The following RBFOX1 variants were observed in gnomAD, a reference collection of about 807,000 sequenced individuals.
The protein encoded by RBFOX1 is RNA binding protein fox-1 homolog 1.
In RBFOX1, 8 loss-of-function variants were observed where a neutral mutation model predicts 57.7. That is an observed-to-expected ratio of 0.14 (90% CI 0.08 to 0.25). RBFOX1 has a LOEUF of 0.25. RBFOX1 is among the 10% of genes least tolerant of loss of function. The pLI is 1.00. For missense variants in RBFOX1, 611 were observed against 548.5 expected (o/e 1.11, Z -1.14); for synonymous variants, 326 against 222.4 (o/e 1.47, Z -4.15).
chr16:6,552,410 G>A (rs558607304), intron 2 of RBFOX1, among the ~76,000 whole-genome samples: 24 of 152,264 alleles, frequency 1.6e-4, no homozygotes, highest in African/African-American at 5.3e-4. Flanking sequence ...CAGAAACTCA[G>A]TAATGTCATC....
chr16:6,326,738 C>T (rs1240996671), intron 2 of RBFOX1, among the ~76,000 whole-genome samples: 1 of 150,128 alleles, frequency 6.7e-6, no homozygotes, highest in Non-Finnish European at 1.5e-5. Flanking sequence ...ACACACTAAT[C>T]ATAGGAGGCA....
At chr16:6,204,438 A>T (rs1248845592) in intron 1 of RBFOX1, among the ~76,000 whole-genome samples, 1 of 152,162 alleles carries the variant, frequency 6.6e-6, no homozygotes, top group East Asian at 1.9e-4. Flanking sequence ...GAAGCTTCTG[A>T]ACTTGCTAGG....
At chr16:6,054,216 G>T (rs1209074323) in intron 1 of RBFOX1, among the ~76,000 whole-genome samples, 1 of 151,968 alleles carries the variant, frequency 6.6e-6, no homozygotes, top group Non-Finnish European at 1.5e-5. Context: ...ATCCTGCTCT[G>T]CTTATTAGGA....
At chr16:5,641,908 T>C (rs2048887447) in intron 3 of RBFOX1, among the ~76,000 whole-genome samples, 1 of 152,218 alleles carries the variant, frequency 6.6e-6, no homozygotes, top group Non-Finnish European at 1.5e-5. Context: ...GAGAAGGCTA[T>C]GATGCATATG....
intron 3 of RBFOX1, among the ~76,000 whole-genome samples, chr16:5,810,600 A>T (rs1231776953): frequency 6.6e-6 from 1 of 151,958 alleles, no homozygotes; most frequent in Non-Finnish European, 1.5e-5. Flanking sequence ...TTTGAGTGAC[A>T]CTCCTGCTGG....
chr16:5,790,814 C>T (rs1336767056), intron 3 of RBFOX1, among the ~76,000 whole-genome samples: 2 of 151,184 alleles, frequency 1.3e-5, no homozygotes, highest in Admixed American at 1.3e-4. Context: ...TGCTGCTGCT[C>T]TTGTGGCCCT....
At chr16:6,756,477 G>C (rs1310297401) in intron 3 of RBFOX1, among the ~76,000 whole-genome samples, 1 of 152,116 alleles carries the variant, frequency 6.6e-6, no homozygotes, top group Non-Finnish European at 1.5e-5. Flanking sequence ...GACTATATTA[G>C]ACTAAACAGC....
chr16:5,991,801 C>T lies in RBFOX1; in HGVS notation c.351+124466C>T, dbSNP rs374100737. Among the ~76,000 whole-genome samples, 17 of 152,148 alleles carry T rather than the reference C, an allele frequency of 1.1e-4. 1 individual carries two copies. In the South Asian group the frequency reaches 2.3e-3, roughly 20 times the overall value. On this transcript the variant is annotated intron_variant, in intron 4 of 19. Transcript: ENST00000641259. ...ATGTTGCCTGGGATTGATAAGACTT[C>T]TAACCTCCTTCAACCTTAGCATGTA...
chr16:7,274,661 G>C (rs1035570605), intron 4 of RBFOX1, among the ~76,000 whole-genome samples: 1 of 145,242 alleles, frequency 6.9e-6, no homozygotes. Context: ...ATTTATTTGA[G>C]ATAGAGCATT....
chr16:7,417,191 G>A (rs1278402012), intron 4 of RBFOX1, among the ~76,000 whole-genome samples: 2 of 151,926 alleles, frequency 1.3e-5, no homozygotes, highest in Admixed American at 6.6e-5. Flanking sequence ...CCAACATGGT[G>A]AAACCCCATC....
At chr16:7,088,546 T>TG (rs887775911) in intron 4 of RBFOX1, among the ~76,000 whole-genome samples, 10 of 151,640 alleles carry the variant, frequency 6.6e-5, no homozygotes, top group African/African-American at 2.4e-4. Context: ...TTTTTGTTGT[T>TG]TTTTTTTCTG....
At chr16:6,804,560 G>A (rs1275552169) in intron 3 of RBFOX1, among the ~76,000 whole-genome samples, 1 of 152,134 alleles carries the variant, frequency 6.6e-6, no homozygotes, top group East Asian at 1.9e-4. Context: ...AATATTGTAT[G>A]TGGCTACTGT....
At chr16:6,004,533 A>G (rs916700846) in intron 4 of RBFOX1, among the ~76,000 whole-genome samples, 1 of 152,182 alleles carries the variant, frequency 6.6e-6, no homozygotes, top group Non-Finnish European at 1.5e-5. Flanking sequence ...CCACTCAATG[A>G]ATGTCCAGAA....
chr16:6,622,891 G>A (rs1471827940), intron 2 of RBFOX1, among the ~76,000 whole-genome samples: 4 of 152,154 alleles, frequency 2.6e-5, no homozygotes, highest in African/African-American at 9.7e-5. Flanking sequence ...CTGCCAAGTT[G>A]GGCAACATAA....
intron 4 of RBFOX1, among the ~76,000 whole-genome samples, chr16:7,327,342 G>A (rs556998137): frequency 6.6e-6 from 1 of 152,210 alleles, no homozygotes; most frequent in Admixed American, 6.5e-5. Flanking sequence ...CGGAAAATTT[G>A]TATCGGAGGA....
At chr16:6,504,395 C>A (rs1375941988) in intron 2 of RBFOX1, among the ~76,000 whole-genome samples, 1 of 152,200 alleles carries the variant, frequency 6.6e-6, no homozygotes, top group East Asian at 1.9e-4. Flanking sequence ...GTTTGCTTTT[C>A]TGATTCTGCT....
intron 4 of RBFOX1, among the ~76,000 whole-genome samples, chr16:7,457,881 C>CA (rs1253639861): frequency 6.6e-6 from 1 of 152,092 alleles, no homozygotes; most frequent in Non-Finnish European, 1.5e-5. Flanking sequence ...ACCCCCTCCC[C>CA]AATACTCTAA....
chr16:6,104,556 T>A (rs1323481032), intron 1 of RBFOX1, among the ~76,000 whole-genome samples: 2 of 152,162 alleles, frequency 1.3e-5, no homozygotes, highest in African/African-American at 4.8e-5. Flanking sequence ...TCCAAGCCCA[T>A]CTTGCAGTCA....
intron 1 of RBFOX1, among the ~76,000 whole-genome samples, chr16:5,273,608 G>A (rs1253707780): frequency 1.3e-5 from 2 of 152,112 alleles, no homozygotes; most frequent in Non-Finnish European, 2.9e-5. Flanking sequence ...GGTGAGAAGC[G>A]GGGGAGTGGT....
Sources: gnomAD v4.1 joint callset for allele counts (sites outside exome capture counted in the v4.1 genomes callset) on GRCh38, gnomAD v4.1.1 for gene constraint, MANE v1.5 for transcripts, NCBI Gene and HGNC (gene_info 2026-07-23, HGNC 2026-07-21) for gene names.